Variants in SPRYD3 observed in about 807,000 individuals in gnomAD.
SPRYD3 encodes the protein SPRY domain containing 3.
SPRYD3 carries 17 observed loss-of-function variants against 50.1 expected under a neutral mutation model. That is an observed-to-expected ratio of 0.34 (90% CI 0.23 to 0.51). The LOEUF is 0.51. Ranked by LOEUF, SPRYD3 falls within the 20% of genes least tolerant of loss-of-function variation. The pLI is 0.97. For missense variants in SPRYD3, 401 were observed against 591.2 expected (o/e 0.68, Z 3.34); for synonymous variants, 198 against 215.5 (o/e 0.92, Z 0.71).
intron 6 of SPRYD3, among the ~76,000 whole-genome samples, chr12:53,071,493 G>C (rs2121202308): frequency 6.6e-6 from 1 of 152,274 alleles, no homozygotes; most frequent in South Asian, 2.1e-4. Context: ...AGACTCTTTA[G>C]GAGGGGGAAA....
intron 1 of SPRYD3, among the ~76,000 whole-genome samples, chr12:53,078,882 C>T (rs1944610174): frequency 1.3e-5 from 2 of 152,176 alleles, no homozygotes; most frequent in South Asian, 4.1e-4. Flanking sequence ...ACGCAAATTA[C>T]GACTCTTATG....
In SPRYD3 at chr12:53,074,981, G is replaced by T. The variant is rs983019278; in HGVS notation, c.371+114C>A. ...TGCTGCCAGGCCACTTCCCTGTCCTGACCAGAAAAGTCTATGAAACACCCA... is the reference window on the plus strand; with the variant it reads ...TGCTGCCAGGCCACTTCCCTGTCCTTACCAGAAAAGTCTATGAAACACCCA... On this transcript the variant is annotated intron_variant, in intron 4 of 10. Coordinates refer to ENST00000301463, the MANE Select transcript of SPRYD3 (RefSeq NM_032840.3). The surrounding 1 kb of genome is among the most constrained non-coding windows in gnomAD (Gnocchi z 4.6). The T allele has an allele frequency of 3.4e-6, 5 of 1,474,192 alleles. No homozygotes were observed. The highest frequency in any genetic ancestry group is 3.5e-5 in the Admixed American group (2 of 57,386). The allele number at this position is 1,474,192 out of a possible 1,614,324, so 91.3% of individuals were successfully genotyped here. A position where few individuals can be genotyped will look rare whatever the true frequency, so the allele number is the denominator to read the frequency against.
chr12:53,071,866 G>A (rs887195671), intron 6 of SPRYD3, among the ~76,000 whole-genome samples: 10 of 152,116 alleles, frequency 6.6e-5, no homozygotes. Context: ...CCCAAGCTGG[G>A]GTGAGGGTCT....
In SPRYD3 at chr12:53,066,471, C is replaced by T. The variant is rs1391671942; in HGVS notation, c.1037G>A (p.Ser346Asn). The change falls in exon 10 of 11, where the codon AGT becomes AAT. Residue 346 changes from serine to asparagine, a missense_variant. Ser to Asn is a conservative substitution (Grantham distance 46). Transcript: ENST00000301463. ...CGGAGACAGGATCACTGTGTCACAA[C>T]TGTCATCACTGTCCCCTAGGAGACC... ...ILDSEGDSDD[S>N]CDTVILSPTA... 6.2e-7 allele frequency: 1 copy of T among 1,614,176 alleles called. No individual in the cohort carries two copies. The highest frequency in any genetic ancestry group is 1.7e-5 in the Admixed American group (1 of 60,024).
chr12:53,067,573 G>A, intron 8 of SPRYD3, 75 bp downstream of exon 8: 1 of 1,440,772 alleles, frequency 6.9e-7, no homozygotes, highest in Non-Finnish European at 9.8e-7. Flanking sequence ...GAGGGGCCAG[G>A]AGAGGGGAAA....
chr12:53,066,732 A>T lies in SPRYD3; in HGVS notation c.902-40T>A, dbSNP rs1190801126. The T allele has an allele frequency of 1.9e-6, 3 of 1,570,382 alleles. No individual in the cohort carries two copies. The African/African-American group carries it at 4.0e-5, about 21-fold the overall frequency. On this transcript the variant is annotated intron_variant, in intron 8 of 10. Coordinates refer to ENST00000301463, the MANE Select transcript of SPRYD3 (RefSeq NM_032840.3). ...GGAAAGGACAAACACTTGAGGAAGG[A>T]GGGCTGACACCACACCCCCAGAGTG... is the stretch of plus-strand genomic sequence containing the variant.
intron 2 of SPRYD3, among the ~76,000 whole-genome samples, chr12:53,076,394 G>A (rs917187138): frequency 4.6e-5 from 7 of 152,204 alleles, no homozygotes; most frequent in Non-Finnish European, 1.0e-4. Flanking sequence ...TAAGGGGCTG[G>A]AAATACAGGA....
intron 6 of SPRYD3, 30 bp downstream of exon 6, chr12:53,073,256 G>GGCCCCGGGGGGGGGGCCCCCCCCC: frequency 2.4e-6 from 1 of 424,134 alleles, no homozygotes; most frequent in Non-Finnish European, 4.4e-6. Flanking sequence ...CTCCGACCCA[G>GGCCCCGGGGGGGGGGCCCCCCCCC]CCCCTCCCAC....
At position 53,065,973 on chromosome 12, in the gene SPRYD3, A is replaced by G; in HGVS notation, c.1195-7T>C. The G allele has an allele frequency of 6.2e-7, 1 of 1,611,382 alleles. No homozygotes were observed. The highest frequency in any genetic ancestry group is 8.5e-7 in the Non-Finnish European group (1 of 1,178,072). On this transcript the variant is annotated splice_region_variant and splice_polypyrimidine_tract_variant and intron_variant, in intron 10 of 10. Transcript: ENST00000301463. ...CATTCCGAGTGAAGAAAACCTGGGG[A>G]GGAGGTGGGGAGAAGAATGGAGCAA...
intron 6 of SPRYD3, chr12:53,073,010 C>A: frequency 3.0e-6 from 1 of 337,036 alleles, no homozygotes. Context: ...GCTGAAGGAA[C>A]CAAAAAAGGC....
chr12:53,067,398 G>T (rs1353183479), intron 8 of SPRYD3, among the ~76,000 whole-genome samples: 5 of 152,144 alleles, frequency 3.3e-5, no homozygotes, highest in Non-Finnish European at 2.9e-5. Flanking sequence ...GGCACGGGGG[G>T]ACCAGCTCAG....
At chr12:53,073,714 G>A (rs185681793) in intron 5 of SPRYD3, among the ~76,000 whole-genome samples, 1,930 of 151,972 alleles carry the variant, frequency 0.013, 38 homozygotes, top group African/African-American at 0.043. Context: ...CGTGGTGGCG[G>A]GCGCCTGTAG....
intron 2 of SPRYD3, among the ~76,000 whole-genome samples, chr12:53,076,017 C>A (rs1372585820): frequency 1.3e-5 from 2 of 152,204 alleles, no homozygotes; most frequent in East Asian, 1.9e-4. Flanking sequence ...GGAATCCAAC[C>A]CGTACCAGAC....
Position 53,064,890 on chromosome 12 carries a change from G to T in SPRYD3, c.*942C>A. 1 of 152,876 alleles carries T rather than the reference G, an allele frequency of 6.5e-6. No individual in the cohort carries two copies. 9.5% of individuals were successfully genotyped at this position (152,876 alleles called of 1,614,324 possible). A position where few individuals can be genotyped will look rare whatever the true frequency, so the allele number is the denominator to read the frequency against. On this transcript the variant is annotated 3_prime_UTR_variant, in exon 11 of 11. Transcript: ENST00000301463. ...CATGTAAGTGCTAGAATCAAACACT[G>T]AAGCGAAACAGGCAACTGGCACAAG...
At chr12:53,068,726 T>G (rs959236756) in intron 6 of SPRYD3, among the ~76,000 whole-genome samples, 3 of 152,124 alleles carry the variant, frequency 2.0e-5, no homozygotes, top group African/African-American at 7.2e-5. Context: ...GATGACTTTC[T>G]CAGGGGGCCT....
chr12:53,073,106 A>G (rs927818762), intron 6 of SPRYD3, 180 bp downstream of exon 6: 3 of 507,790 alleles, frequency 5.9e-6, no homozygotes, highest in Non-Finnish European at 1.1e-5. Flanking sequence ...ACATGTGCTA[A>G]AGAAAACACA....
chr12:53,067,565 G>A, intron 8 of SPRYD3, 83 bp downstream of exon 8: 2 of 1,362,170 alleles, frequency 1.5e-6, no homozygotes, highest in Non-Finnish European at 2.1e-6. Context: ...CCATTTGTGA[G>A]GGGCCAGGAG....
chr12:53,070,536 T>C (rs1239732892), intron 6 of SPRYD3, among the ~76,000 whole-genome samples: 1 of 152,184 alleles, frequency 6.6e-6, no homozygotes, highest in Non-Finnish European at 1.5e-5. Context: ...CTAACTCCTA[T>C]TACTTAACAG....
At chr12:53,077,405 A>G (rs772409995) in intron 1 of SPRYD3, 144 bp from the exon 2 acceptor site, 9 of 795,772 alleles carry the variant, frequency 1.1e-5, no homozygotes, top group Non-Finnish European at 1.8e-5. Flanking sequence ...TCTTTCTTCC[A>G]TTCAACAAAC....
Sources: gnomAD v4.1 joint callset for allele counts (sites outside exome capture counted in the v4.1 genomes callset) on GRCh38, gnomAD v4.1.1 for gene constraint, Gnocchi (gnomAD v3.1) non-coding constraint, MANE v1.5 for transcripts, NCBI Gene and HGNC (gene_info 2026-07-23, HGNC 2026-07-21) for gene names.